The following SRD5A2 variants were observed in gnomAD, a reference collection of about 807,000 sequenced individuals.
SRD5A2 encodes the protein 3-oxo-5-alpha-steroid 4-dehydrogenase 2.
Under a neutral mutation model 27.4 loss-of-function variants are expected in SRD5A2, and 30 were observed. The ratio of observed to expected loss-of-function variants is 1.10; its 90% CI spans 0.82 to 1.49. The LOEUF (loss-of-function observed/expected upper bound fraction) is 1.49, where lower values mean the gene tolerates loss of function less well. SRD5A2 is among the 40% of genes most tolerant of loss of function. SRD5A2 has a pLI of 0.00. For missense variants in SRD5A2, 348 were observed against 323.4 expected, an observed-to-expected ratio of 1.08 and a Z score of -0.58; for synonymous variants, 141 against 133.6, an observed-to-expected ratio of 1.06 and a Z score of -0.38.
chr2:31,627,899 A>G, the SRD5A2 span, among the ~76,000 whole-genome samples: 1 of 152,004 alleles, frequency 6.6e-6, no homozygotes, highest in African/African-American at 2.4e-5. Flanking sequence ...CAAATTACGT[A>G]GTCAATTTTA....
the SRD5A2 span, among the ~76,000 whole-genome samples, chr2:31,598,212 T>TTG: frequency 6.6e-6 from 1 of 152,020 alleles, no homozygotes; most frequent in Admixed American, 6.6e-5. Context: ...AAACCAAGCA[T>TTG]TGTATGTTCT....
chr2:31,547,147 C>T (rs1034545764), intron 1 of SRD5A2, among the ~76,000 whole-genome samples: 1 of 152,012 alleles, frequency 6.6e-6, no homozygotes, highest in Non-Finnish European at 1.5e-5. Context: ...GTCTAAAAGG[C>T]ACATAGACCT....
At chr2:31,551,589 G>A (rs1666381761) in intron 1 of SRD5A2, among the ~76,000 whole-genome samples, 1 of 152,118 alleles carries the variant, frequency 6.6e-6, no homozygotes, top group African/African-American at 2.4e-5. Flanking sequence ...ATAGTACTGT[G>A]CTAAAAGTGA....
upstream of SRD5A2, among the ~76,000 whole-genome samples, chr2:31,581,833 G>A (rs577781534): frequency 2.0e-5 from 3 of 152,246 alleles, no homozygotes; most frequent in South Asian, 4.2e-4. Flanking sequence ...CGACCCCGCT[G>A]TTCTCTGAAC....
intron 1 of SRD5A2, among the ~76,000 whole-genome samples, chr2:31,546,171 A>C (rs1038384638): frequency 1.4e-4 from 21 of 146,388 alleles, no homozygotes; most frequent in African/African-American, 5.4e-4. Flanking sequence ...TCAAAATTCC[A>C]ATGACTTTTT....
chr2:31,640,962 G>A, the SRD5A2 span, among the ~76,000 whole-genome samples: 11 of 152,084 alleles, frequency 7.2e-5, no homozygotes, highest in Middle Eastern at 3.2e-3. Context: ...GTTAGGTGGC[G>A]ATTTTCTGTG....
At chr2:31,608,689 A>G in the SRD5A2 span, among the ~76,000 whole-genome samples, 1 of 152,062 alleles carries the variant, frequency 6.6e-6, no homozygotes, top group Non-Finnish European at 1.5e-5. Context: ...ACAGAACAAA[A>G]TACTTAGATA....
At chr2:31,633,739 G>T in the SRD5A2 span, among the ~76,000 whole-genome samples, 1 of 152,120 alleles carries the variant, frequency 6.6e-6, no homozygotes, top group Admixed American at 6.5e-5. Context: ...CCTGTTGAGC[G>T]GGGGGACTGC....
At chr2:31,603,927 G>A in the SRD5A2 span, among the ~76,000 whole-genome samples, 1 of 151,658 alleles carries the variant, frequency 6.6e-6, no homozygotes, top group African/African-American at 2.4e-5. Flanking sequence ...GCATCAGGAA[G>A]AATAGCTAAT....
At chr2:31,653,346 T>C in the SRD5A2 span, among the ~76,000 whole-genome samples, 1 of 152,164 alleles carries the variant, frequency 6.6e-6, no homozygotes, top group African/African-American at 2.4e-5. Flanking sequence ...GTCCCAAATG[T>C]ACAAGGACTG....
At chr2:31,595,474 GCA>G in the SRD5A2 span, among the ~76,000 whole-genome samples, 1 of 152,006 alleles carries the variant, frequency 6.6e-6, no homozygotes, top group African/African-American at 2.4e-5. Flanking sequence ...TAAATTTCTG[GCA>G]ATATACAACC....
chr2:31,548,944 A>G (rs1666320946), intron 1 of SRD5A2, among the ~76,000 whole-genome samples: 1 of 152,012 alleles, frequency 6.6e-6, no homozygotes, highest in South Asian at 2.1e-4. Flanking sequence ...GAACCCTGAG[A>G]GCAATGTGCT....
At chr2:31,618,361 T>G in the SRD5A2 span, among the ~76,000 whole-genome samples, 1 of 152,146 alleles carries the variant, frequency 6.6e-6, no homozygotes, top group African/African-American at 2.4e-5. Flanking sequence ...ACTGATATGT[T>G]GAAGAGGTAT....
chr2:31,559,208 C>A (rs192373053), intron 1 of SRD5A2, among the ~76,000 whole-genome samples: 261 of 152,314 alleles, frequency 1.7e-3, no homozygotes, highest in African/African-American at 6.0e-3. Context: ...AATGTTGCCA[C>A]TTTGGCTTGA....
rs1377744896 is a variant in SRD5A2 at position 31,523,090 on chromosome 2, C to T, written c.*3106G>A. Reference sequence around the variant, plus strand: ...TTCCTTTTAGAATACAGTGGAGCCACTGTTGTTCTTTATGAAAGTAAGCAT... The same window carrying T: ...TTCCTTTTAGAATACAGTGGAGCCATTGTTGTTCTTTATGAAAGTAAGCAT... On this transcript the variant is annotated 3_prime_UTR_variant, in exon 5 of 5. Coordinates refer to ENST00000622030, the MANE Select transcript of SRD5A2 (RefSeq NM_000348.4). 9.2e-6 allele frequency: 2 copies of T among 217,778 alleles called. No individual in the cohort carries two copies. The highest frequency in any genetic ancestry group is 1.8e-5 in the Non-Finnish European group (2 of 108,386). The allele number at this position is 217,778 out of a possible 1,614,324, so 13.5% of individuals were successfully genotyped here.
the SRD5A2 span, among the ~76,000 whole-genome samples, chr2:31,604,437 G>C: frequency 6.6e-6 from 1 of 151,790 alleles, no homozygotes; most frequent in East Asian, 1.9e-4. Flanking sequence ...TATTAGATCT[G>C]ATAAACAAAT....
chr2:31,587,403 G>C, the SRD5A2 span, among the ~76,000 whole-genome samples: 10 of 152,100 alleles, frequency 6.6e-5, no homozygotes, highest in East Asian at 1.9e-3. Flanking sequence ...CCCATTACTG[G>C]GTATGTACCC....
intron 1 of SRD5A2, among the ~76,000 whole-genome samples, chr2:31,534,048 C>T (rs547935523): frequency 5.7e-4 from 86 of 152,134 alleles, no homozygotes; most frequent in African/African-American, 2.0e-3. Flanking sequence ...GTGGAATTAT[C>T]ATGACAGAAC....
the SRD5A2 span, among the ~76,000 whole-genome samples, chr2:31,647,563 A>G: frequency 2.6e-5 from 4 of 152,266 alleles, 1 homozygote; most frequent in South Asian, 8.3e-4. Context: ...TCCTTTTTGG[A>G]AAGCTAGTTA....
Sources: gnomAD v4.1 joint callset for allele counts (sites outside exome capture counted in the v4.1 genomes callset) on GRCh38, gnomAD v4.1.1 for gene constraint, MANE v1.5 for transcripts, NCBI Gene and HGNC (gene_info 2026-07-23, HGNC 2026-07-21) for gene names.